BRINP1: variants seen among roughly 807,000 people sequenced by gnomAD.
BRINP1 encodes BMP/retinoic acid inducible neural specific 1, also known as BMP/retinoic acid-inducible neural-specific protein 1.
Under a neutral mutation model 72.9 loss-of-function variants are expected in BRINP1, and 17 were observed. The observed-to-expected ratio is 0.23, with a 90% CI of 0.16 to 0.35. The LOEUF (loss-of-function observed/expected upper bound fraction) is 0.35, where lower values mean the gene tolerates loss of function less well. Ranked by LOEUF, BRINP1 falls within the 10% of genes least tolerant of loss-of-function variation. BRINP1 has a pLI of 1.00. For missense variants in BRINP1, 850 were observed against 1,001.6 expected, an observed-to-expected ratio of 0.85 and a Z score of 2.04; for synonymous variants, 418 against 378.5, an observed-to-expected ratio of 1.10 and a Z score of -1.21.
At chr9:119,193,461 C>T (rs1324067109) in intron 7 of BRINP1, among the ~76,000 whole-genome samples, 3 of 151,948 alleles carry the variant, frequency 2.0e-5, no homozygotes, top group Non-Finnish European at 2.9e-5. Flanking sequence ...AAATGTAGGT[C>T]AAAGGATACA....
At chr9:119,314,112 C>T (rs1232098487) in intron 1 of BRINP1, among the ~76,000 whole-genome samples, 1 of 152,206 alleles carries the variant, frequency 6.6e-6, no homozygotes, top group Non-Finnish European at 1.5e-5. Flanking sequence ...CCCAAAGAAA[C>T]ATGGCCAGAG....
chr9:119,205,172 A>G (rs1388548356), intron 7 of BRINP1, among the ~76,000 whole-genome samples: 1 of 152,114 alleles, frequency 6.6e-6, no homozygotes, highest in Non-Finnish European at 1.5e-5. Context: ...AGATGTCAGG[A>G]AGCGGCCCAC....
intron 7 of BRINP1, among the ~76,000 whole-genome samples, chr9:119,169,277 G>A (rs147909906): frequency 2.0e-5 from 3 of 152,232 alleles, no homozygotes; most frequent in Non-Finnish European, 2.9e-5. Context: ...TGCACGCACC[G>A]TGCGCGAGCT....
intron 7 of BRINP1, among the ~76,000 whole-genome samples, chr9:119,186,241 C>T (rs1000832594): frequency 6.6e-6 from 1 of 152,182 alleles, no homozygotes; most frequent in African/African-American, 2.4e-5. Context: ...CCTGTTGCCC[C>T]ACCCCCAGGG....
At chr9:119,256,283 G>T (rs2118929174) in intron 2 of BRINP1, among the ~76,000 whole-genome samples, 1 of 152,286 alleles carries the variant, frequency 6.6e-6, no homozygotes, top group East Asian at 1.9e-4. Context: ...ATGATTACAT[G>T]AGCAGCTACA....
intron 2 of BRINP1, among the ~76,000 whole-genome samples, chr9:119,272,411 T>C (rs2416697): frequency 0.65 from 99,282 of 151,944 alleles, 33,315 homozygotes; most frequent in East Asian, 0.91. Flanking sequence ...ATGATGAACT[T>C]CAAAATATCT....
intron 2 of BRINP1, among the ~76,000 whole-genome samples, chr9:119,274,840 T>C (rs1830640016): frequency 6.6e-6 from 1 of 152,158 alleles, no homozygotes; most frequent in South Asian, 2.1e-4. Flanking sequence ...GAGGATCTTC[T>C]AATTAAGGTA....
At chr9:119,341,582 C>G (rs1252976113) in intron 1 of BRINP1, among the ~76,000 whole-genome samples, 1 of 152,122 alleles carries the variant, frequency 6.6e-6, no homozygotes, top group East Asian at 1.9e-4. Context: ...AACTGACACT[C>G]TACAGTGTGC....
intron 1 of BRINP1, among the ~76,000 whole-genome samples, chr9:119,359,106 T>C (rs1158427777): frequency 6.6e-6 from 1 of 152,240 alleles, no homozygotes; most frequent in Non-Finnish European, 1.5e-5. Flanking sequence ...TTAATGTTTA[T>C]ATAGTGTTGA....
At chr9:119,266,190 A>T (rs1454475359) in intron 2 of BRINP1, among the ~76,000 whole-genome samples, 1 of 152,156 alleles carries the variant, frequency 6.6e-6, no homozygotes, top group African/African-American at 2.4e-5. Context: ...ATACAACCAG[A>T]GGGAGACTTA....
At chr9:119,349,829 G>A (rs754579685) in intron 1 of BRINP1, among the ~76,000 whole-genome samples, 2 of 152,172 alleles carry the variant, frequency 1.3e-5, no homozygotes, top group African/African-American at 4.8e-5. Flanking sequence ...ATTCAGATCC[G>A]AGCTCTGTTC....
At chr9:119,250,594 T>C (rs1830377187) in intron 2 of BRINP1, among the ~76,000 whole-genome samples, 1 of 152,268 alleles carries the variant, frequency 6.6e-6, no homozygotes, top group African/African-American at 2.4e-5. Flanking sequence ...ATTATTGTTT[T>C]ATAACTTTAT....
intron 1 of BRINP1, among the ~76,000 whole-genome samples, chr9:119,322,933 T>A (rs1831204712): frequency 6.6e-6 from 1 of 152,204 alleles, no homozygotes; most frequent in Non-Finnish European, 1.5e-5. Flanking sequence ...TAGTTTCAAC[T>A]GAACCCCAAA....
intron 2 of BRINP1, among the ~76,000 whole-genome samples, chr9:119,291,008 A>C (rs375213503): frequency 6.6e-6 from 1 of 151,868 alleles, no homozygotes; most frequent in African/African-American, 2.4e-5. Context: ...CTGTAATCCC[A>C]GCTACTTCGG....
At chr9:119,359,740 G>C (rs1371669744) in intron 1 of BRINP1, among the ~76,000 whole-genome samples, 1 of 152,204 alleles carries the variant, frequency 6.6e-6, no homozygotes, top group African/African-American at 2.4e-5. Flanking sequence ...TCTGAGCTCA[G>C]TTTCAACCTC....
chr9:119,222,607 G>C (rs1830050877), intron 5 of BRINP1, among the ~76,000 whole-genome samples: 1 of 134,958 alleles, frequency 7.4e-6, no homozygotes, highest in Non-Finnish European at 1.6e-5. Flanking sequence ...CTAGGTTCTA[G>C]AGAAAAGACA....
chr9:119,308,001 T>C (rs766275561), intron 2 of BRINP1, among the ~76,000 whole-genome samples: 5 of 152,146 alleles, frequency 3.3e-5, no homozygotes, highest in Non-Finnish European at 5.9e-5. Flanking sequence ...GGAGAGATAA[T>C]AGCAATACCT....
At chr9:119,228,922 C>G (rs975066447) in intron 5 of BRINP1, among the ~76,000 whole-genome samples, 2 of 152,018 alleles carry the variant, frequency 1.3e-5, no homozygotes, top group African/African-American at 4.8e-5. Flanking sequence ...AAGGGGTGAA[C>G]TGATGTATAT....
intron 2 of BRINP1, among the ~76,000 whole-genome samples, chr9:119,307,525 AT>A (rs958805854): frequency 1.3e-5 from 2 of 152,142 alleles, no homozygotes; most frequent in Non-Finnish European, 2.9e-5. Flanking sequence ...GAAGCTGATA[AT>A]TTTTTTCCAT....
Sources: gnomAD v4.1 joint callset for allele counts (sites outside exome capture counted in the v4.1 genomes callset) on GRCh38, gnomAD v4.1.1 for gene constraint, MANE v1.5 for transcripts, NCBI Gene and HGNC (gene_info 2026-07-23, HGNC 2026-07-21) for gene names.